PTPRD: variants seen among roughly 807,000 people sequenced by gnomAD.
PTPRD encodes protein tyrosine phosphatase receptor type D.
A neutral mutation model predicts 214.5 loss-of-function variants in PTPRD; 34 were observed. That is an observed-to-expected ratio of 0.16 (90% CI 0.12 to 0.21). The LOEUF is 0.21. Ranked by LOEUF, PTPRD falls within the 10% of genes least tolerant of loss-of-function variation. The probability of loss-of-function intolerance (pLI) is 1.00; values close to 1 mark genes in which losing one functional copy is unlikely to be tolerated. For synonymous variants in PTPRD, 1,128 were observed against 845.7 expected, an observed-to-expected ratio of 1.33 and a Z score of -5.79; for missense variants, 2,545 against 2,398.7, an observed-to-expected ratio of 1.06 and a Z score of -1.27.
intron 3 of PTPRD, among the ~76,000 whole-genome samples, chr9:10,097,036 T>A (rs1254496728): frequency 2.0e-5 from 3 of 151,822 alleles, no homozygotes; most frequent in African/African-American, 7.3e-5. Flanking sequence ...TTGTCAAAGA[T>A]CAGATAGTTG....
intron 11 of PTPRD, among the ~76,000 whole-genome samples, chr9:8,919,346 T>C (rs189310654): frequency 1.3e-5 from 2 of 148,186 alleles, no homozygotes; most frequent in East Asian, 2.0e-4. Context: ...GAGCCGAGGC[T>C]ATGCCACTGG....
intron 7 of PTPRD, among the ~76,000 whole-genome samples, chr9:9,665,239 T>C (rs1240799911): frequency 6.6e-6 from 1 of 151,474 alleles, no homozygotes; most frequent in Non-Finnish European, 1.5e-5. Flanking sequence ...CTTAGAATGG[T>C]CCATTTAAAA....
chr9:8,954,576 C>CA (rs2099121376), intron 11 of PTPRD, among the ~76,000 whole-genome samples: 1 of 150,976 alleles, frequency 6.6e-6, no homozygotes, highest in African/African-American at 2.4e-5. Context: ...ACAGCAAAAA[C>CA]AAAAAACCAC....
At chr9:8,825,094 C>T (rs918875682) in intron 11 of PTPRD, among the ~76,000 whole-genome samples, 3 of 152,032 alleles carry the variant, frequency 2.0e-5, no homozygotes, top group African/African-American at 7.2e-5. Flanking sequence ...TGAGTTTGTA[C>T]CTTTAAATAT....
At position 9,564,903 on chromosome 9, in the gene PTPRD, T is replaced by G. The variant is rs1002204962; in HGVS notation, c.-237+9829A>C. Among the ~76,000 whole-genome samples the G allele has an allele frequency of 7.0e-5, 10 of 142,272 alleles. 1 individual carries two copies. Among genetic ancestry groups the G allele is most frequent in the South Asian group, 2.3e-4 (1 of 4,352 alleles). 93.3% of individuals were successfully genotyped at this position (142,272 alleles called of 152,430 possible). A position where few individuals can be genotyped will look rare whatever the true frequency, so the allele number is the denominator to read the frequency against. On this transcript the variant is annotated intron_variant, in intron 8 of 45. Transcript: ENST00000381196. ...TCTTCTGTTTTTTTTTTTTTTTTTT[T>G]TTTTTTTTTTGCAGTGCACCTAAGG...
chr9:10,315,912 C>T (rs1225569973), intron 3 of PTPRD, among the ~76,000 whole-genome samples: 2 of 151,766 alleles, frequency 1.3e-5, no homozygotes, highest in African/African-American at 4.8e-5. Flanking sequence ...CATGCTGCAT[C>T]AATTTCATAA....
At chr9:9,630,339 C>G (rs2095551182) in intron 7 of PTPRD, among the ~76,000 whole-genome samples, 2 of 152,160 alleles carry the variant, frequency 1.3e-5, no homozygotes, top group African/African-American at 4.8e-5. Flanking sequence ...GAGACCTGCT[C>G]TTTTCCTGAT....
intron 5 of PTPRD, among the ~76,000 whole-genome samples, chr9:9,789,657 C>T (rs2098952278): frequency 2.0e-5 from 3 of 151,420 alleles, no homozygotes; most frequent in South Asian, 2.1e-4. Flanking sequence ...CTTAGCTGGG[C>T]GTGGTGGTGG....
chr9:9,950,444 G>GATCAAACTATCTTTTATA (rs1586923741), intron 4 of PTPRD, among the ~76,000 whole-genome samples: 3 of 96,192 alleles, frequency 3.1e-5, no homozygotes, highest in Admixed American at 1.0e-4. Flanking sequence ...GAAAGTGGAG[G>GATCAAACTATCTTTTATA]CCGGGCGCGG....
chr9:8,944,367 G>C (rs372864483), intron 11 of PTPRD, among the ~76,000 whole-genome samples: 1 of 151,934 alleles, frequency 6.6e-6, no homozygotes, highest in East Asian at 1.9e-4. Context: ...ATTAAACATA[G>C]AACTATCATA....
chr9:8,623,210 G>A (rs2095875909), intron 14 of PTPRD, among the ~76,000 whole-genome samples: 1 of 151,876 alleles, frequency 6.6e-6, no homozygotes, highest in Non-Finnish European at 1.5e-5. Context: ...TTACTGCCAT[G>A]TGTACAGTCT....
At chr9:9,610,778 G>C (rs1445384406) in intron 7 of PTPRD, among the ~76,000 whole-genome samples, 1 of 151,988 alleles carries the variant, frequency 6.6e-6, no homozygotes, top group African/African-American at 2.4e-5. Flanking sequence ...TAGGTGATTG[G>C]AGGATAGACA....
chr9:9,900,268 T>G (rs1026543891), intron 5 of PTPRD, among the ~76,000 whole-genome samples: 2 of 152,180 alleles, frequency 1.3e-5, no homozygotes, highest in African/African-American at 4.8e-5. Flanking sequence ...GATCAAAAAT[T>G]TTTAGAAGAA....
At position 8,363,639 on chromosome 9, in the gene PTPRD, G is replaced by A. The variant is rs527633751; in HGVS notation, c.4661+12297C>T. On this transcript the variant is annotated intron_variant, in intron 39 of 45. Transcript: ENST00000381196. ...AAGGAAATTCACATTGCACTTAACT[G>A]GGTGATCAGAATAGAGCAGTGAGAA... Among the ~76,000 whole-genome samples, 4 of 152,294 alleles carry A rather than the reference G, an allele frequency of 2.6e-5. No individual in the cohort carries two copies. In the East Asian group the frequency reaches 7.7e-4, roughly 29 times the overall value.
At chr9:9,178,301 C>G (rs754647838) in intron 10 of PTPRD, among the ~76,000 whole-genome samples, 3 of 151,866 alleles carry the variant, frequency 2.0e-5, no homozygotes, top group Non-Finnish European at 4.4e-5. Flanking sequence ...CTTTCCTCCT[C>G]TCCTCCCCTT....
intron 9 of PTPRD, among the ~76,000 whole-genome samples, chr9:9,200,240 C>T (rs1426103006): frequency 1.3e-5 from 2 of 152,182 alleles, no homozygotes; most frequent in South Asian, 4.1e-4. Flanking sequence ...GAGCAAAAAT[C>T]CTGATATCCT....
intron 4 of PTPRD, among the ~76,000 whole-genome samples, chr9:9,957,478 T>C (rs1167315463): frequency 6.6e-6 from 1 of 152,118 alleles, no homozygotes; most frequent in Non-Finnish European, 1.5e-5. Context: ...CAAAAAATTA[T>C]ACAATTAAAT....
intron 2 of PTPRD, among the ~76,000 whole-genome samples, chr9:10,362,988 G>T (rs575071534): frequency 2.2e-4 from 33 of 152,216 alleles, no homozygotes; most frequent in Non-Finnish European, 4.1e-4. Context: ...AAATATTTTT[G>T]GAATAGAAGT....
chr9:9,692,757 T>C (rs2097297476), intron 7 of PTPRD, among the ~76,000 whole-genome samples: 1 of 152,028 alleles, frequency 6.6e-6, no homozygotes, highest in Non-Finnish European at 1.5e-5. Flanking sequence ...TTCCAATCCA[T>C]GAACATGAAA....
Sources: gnomAD v4.1 joint callset for allele counts (sites outside exome capture counted in the v4.1 genomes callset) on GRCh38, gnomAD v4.1.1 for gene constraint, MANE v1.5 for transcripts, NCBI Gene and HGNC (gene_info 2026-07-23, HGNC 2026-07-21) for gene names.